The following ROBO2 variants were observed in gnomAD, a reference collection of about 807,000 sequenced individuals.
The protein encoded by ROBO2 is roundabout guidance receptor 2.
Under a neutral mutation model 160.8 loss-of-function variants are expected in ROBO2, and 53 were observed. That is an observed-to-expected ratio of 0.33 (90% confidence interval 0.26 to 0.41). The LOEUF is 0.41. Ranked by LOEUF, ROBO2 falls within the 10% of genes least tolerant of loss-of-function variation. The pLI is 1.00. For missense variants in ROBO2, 1,577 were observed against 1,722.4 expected (o/e 0.92, Z 1.49); for synonymous variants, 664 against 611.7 (o/e 1.09, Z -1.26).
At chr3:76,403,783 C>T (rs1299441204) in intron 2 of ROBO2, among the ~76,000 whole-genome samples, 1 of 151,580 alleles carries the variant, frequency 6.6e-6, no homozygotes, top group Non-Finnish European at 1.5e-5. Flanking sequence ...TTCCTTTCAT[C>T]CAAAATGCTT....
intron 2 of ROBO2, among the ~76,000 whole-genome samples, chr3:76,398,361 A>T (rs1188112321): frequency 6.6e-6 from 1 of 151,684 alleles, no homozygotes; most frequent in African/African-American, 2.4e-5. Context: ...GCATTAGGAG[A>T]TATACCTAAT....
intron 2 of ROBO2, among the ~76,000 whole-genome samples, chr3:76,417,201 C>A (rs1467262804): frequency 6.6e-6 from 1 of 152,096 alleles, no homozygotes; most frequent in Non-Finnish European, 1.5e-5. Flanking sequence ...TAAGATATTG[C>A]CATAGAAATA....
chr3:75,928,357 T>G (rs1420749339), intron 1 of ROBO2, among the ~76,000 whole-genome samples: 1 of 152,266 alleles, frequency 6.6e-6, no homozygotes. Context: ...AAAGCAGTTA[T>G]ACACCTATCC....
At chr3:76,533,830 C>A (rs1175498095) in intron 2 of ROBO2, among the ~76,000 whole-genome samples, 1 of 151,566 alleles carries the variant, frequency 6.6e-6, no homozygotes, top group Non-Finnish European at 1.5e-5. Flanking sequence ...AGAAGAATGT[C>A]CCAGGGTCAA....
chr3:76,566,432 G>A (rs116110361), intron 2 of ROBO2, among the ~76,000 whole-genome samples: 2,186 of 152,126 alleles, frequency 0.014, 28 homozygotes, highest in Middle Eastern at 0.065. Flanking sequence ...TGTCCCTTAG[G>A]CCTGAAATAC....
intron 2 of ROBO2, among the ~76,000 whole-genome samples, chr3:76,906,308 A>G (rs1183757763): frequency 1.3e-5 from 2 of 151,932 alleles, no homozygotes; most frequent in African/African-American, 2.4e-5. Context: ...TATTACATAT[A>G]TATAAATTCA....
chr3:76,544,078 A>G (rs953178751), intron 2 of ROBO2, among the ~76,000 whole-genome samples: 6 of 152,012 alleles, frequency 3.9e-5, no homozygotes, highest in African/African-American at 1.4e-4. Context: ...CATTCCCACA[A>G]TAGCCTTTCA....
intron 2 of ROBO2, among the ~76,000 whole-genome samples, chr3:75,944,799 G>A (rs1214123412): frequency 6.6e-6 from 1 of 152,108 alleles, no homozygotes; most frequent in Non-Finnish European, 1.5e-5. Flanking sequence ...TTTTTCTTAT[G>A]ATTATTTTGT....
chr3:77,457,431 T>C (rs1398122824), intron 2 of ROBO2, among the ~76,000 whole-genome samples: 1 of 152,292 alleles, frequency 6.6e-6, no homozygotes, highest in South Asian at 2.1e-4. Context: ...TAAAGAGAGA[T>C]AAAGTCTTAG....
chr3:76,679,081 T>C (rs148175212), intron 2 of ROBO2, among the ~76,000 whole-genome samples: 129 of 148,134 alleles, frequency 8.7e-4, no homozygotes, highest in Non-Finnish European at 1.7e-3. Context: ...GTGTTGTAAA[T>C]GGTGATTCAG....
chr3:76,091,918 A>G (rs1191098339), intron 2 of ROBO2, among the ~76,000 whole-genome samples: 1 of 152,192 alleles, frequency 6.6e-6, no homozygotes, highest in Non-Finnish European at 1.5e-5. Flanking sequence ...ACCAGGGATT[A>G]TGGGAATAGG....
rs563818804 is a variant in ROBO2 at position 77,595,027 on chromosome 3, T to C, written c.2684-115T>C. 6.8e-5 allele frequency: 54 copies of C among 788,888 alleles called. No individual in the cohort carries two copies. The African/African-American group carries it at 8.5e-4, about 12-fold the overall frequency. 48.9% of individuals were successfully genotyped at this position (788,888 alleles called of 1,614,324 possible). On this transcript the variant is annotated intron_variant, in intron 17 of 25. Transcript: ENST00000461745. ...GTACAATGATGTTAATTATATTTTG[T>C]TAAAATTCCCAGAGGCCTCAGCTCT...
chr3:75,951,852 C>T (rs751422826), intron 2 of ROBO2, among the ~76,000 whole-genome samples: 1 of 151,860 alleles, frequency 6.6e-6, no homozygotes, highest in African/African-American at 2.4e-5. Flanking sequence ...TCTGATAGCT[C>T]CCTTGTGTAC....
At chr3:76,981,600 G>A (rs1198650478) in intron 2 of ROBO2, among the ~76,000 whole-genome samples, 6 of 152,048 alleles carry the variant, frequency 3.9e-5, no homozygotes, top group Non-Finnish European at 8.8e-5. Flanking sequence ...TATTCTGTGG[G>A]TTTTATTTTT....
At chr3:77,515,445 T>A (rs1257505905) in intron 5 of ROBO2, among the ~76,000 whole-genome samples, 1 of 151,696 alleles carries the variant, frequency 6.6e-6, no homozygotes, top group Non-Finnish European at 1.5e-5. Flanking sequence ...GTCAATTGTT[T>A]AAATAATTTT....
chr3:77,143,125 A>G (rs964240649), intron 2 of ROBO2, among the ~76,000 whole-genome samples: 3 of 144,646 alleles, frequency 2.1e-5, no homozygotes, highest in Admixed American at 1.4e-4. Context: ...GCAGTACCTT[A>G]TGACAGCTTT....
rs17044149 is a variant in ROBO2, at chr3:76,102,407, A to G, written c.109+164805A>G. 5.4e-3 allele frequency among the ~76,000 whole-genome samples: 818 copies of G among 152,330 alleles called. 11 individuals carry two copies. The highest frequency in any genetic ancestry group is 0.019 in the African/African-American group (791 of 41,574). ...TATACTTCTATTGGATACCAGGGTT[A>G]TAGTGAGAAAAAATAATACCTGTAC... is the stretch of plus-strand genomic sequence containing the variant. On this transcript the variant is annotated intron_variant, in intron 2 of 26. Transcript: ENST00000487694.
At chr3:76,089,571 A>G (rs2069144711) in intron 2 of ROBO2, among the ~76,000 whole-genome samples, 1 of 152,142 alleles carries the variant, frequency 6.6e-6, no homozygotes, top group African/African-American at 2.4e-5. Context: ...CAGACTGAAG[A>G]AGAAAAATTA....
At chr3:77,283,360 G>A (rs1422742950) in intron 2 of ROBO2, among the ~76,000 whole-genome samples, 1 of 152,116 alleles carries the variant, frequency 6.6e-6, no homozygotes, top group African/African-American at 2.4e-5. Context: ...TGGAGCAGAT[G>A]GATTGCTGAA....
Sources: allele counts gnomAD v4.1 joint callset (sites outside exome capture counted in the v4.1 genomes callset), GRCh38; gene constraint gnomAD v4.1.1; transcripts MANE v1.5; gene names NCBI Gene and HGNC (gene_info 2026-07-23, HGNC 2026-07-21).